IPO8: variants seen among roughly 807,000 people sequenced by gnomAD.
The protein encoded by IPO8 is importin 8.
Under a neutral mutation model 141.2 loss-of-function variants are expected in IPO8, and 65 were observed. That is an observed-to-expected ratio of 0.46 (90% confidence interval 0.38 to 0.57). IPO8 has a LOEUF of 0.57. IPO8 is among the 20% of genes least tolerant of loss of function. The probability of loss-of-function intolerance (pLI) is 0.00; values close to 1 mark genes in which losing one functional copy is unlikely to be tolerated. For missense variants in IPO8, 980 were observed against 1,246.8 expected (o/e 0.79, Z 3.22); for synonymous variants, 411 against 420.3 (o/e 0.98, Z 0.27).
At chr12:30,642,951 T>C (rs1328416989) in intron 20 of IPO8, among the ~76,000 whole-genome samples, 1 of 152,140 alleles carries the variant, frequency 6.6e-6, no homozygotes, top group African/African-American at 2.4e-5. Flanking sequence ...TATACATTCA[T>C]AAGGATACTA....
chr12:30,661,276 T>G lies in IPO8; in HGVS notation c.1756-10A>C, dbSNP rs200696460. On this transcript the variant is annotated splice_polypyrimidine_tract_variant and intron_variant, in intron 15 of 24. Coordinates refer to ENST00000256079, the MANE Select transcript of IPO8 (RefSeq NM_006390.4). ...TGCCAAATATCTCAGCCTATGAAAATAACATTAAAGTATTCCGCAATTAGT... is the reference window on the plus strand; with the variant it reads ...TGCCAAATATCTCAGCCTATGAAAAGAACATTAAAGTATTCCGCAATTAGT... 39 of 1,577,056 alleles carry G rather than the reference T, an allele frequency of 2.5e-5. No individual in the cohort carries two copies. The East Asian group carries it at 8.7e-4, about 35-fold the overall frequency.
chr12:30,670,275 A>G (rs780961979), intron 9 of IPO8, among the ~76,000 whole-genome samples: 5 of 152,210 alleles, frequency 3.3e-5, no homozygotes, highest in African/African-American at 4.8e-5. Flanking sequence ...AGCAAAGTGA[A>G]AGATTTTTCT....
chr12:30,685,721 T>C (rs2053235219), intron 2 of IPO8, among the ~76,000 whole-genome samples: 1 of 151,028 alleles, frequency 6.6e-6, no homozygotes. Context: ...GGTCAGGAGT[T>C]CGAGACCACC....
intron 22 of IPO8, among the ~76,000 whole-genome samples, chr12:30,636,324 T>C (rs556896737): frequency 6.6e-6 from 1 of 152,064 alleles, no homozygotes; most frequent in Non-Finnish European, 1.5e-5. Flanking sequence ...GAGGAAAAAA[T>C]CCACCTGGAA....
intron 20 of IPO8, among the ~76,000 whole-genome samples, chr12:30,644,372 T>TAAAA (rs11395707): frequency 9.0e-5 from 13 of 145,208 alleles, no homozygotes; most frequent in African/African-American, 3.1e-4. Context: ...CAATCTCCAT[T>TAAAA]AAAAAAAAAA....
intron 3 of IPO8, among the ~76,000 whole-genome samples, chr12:30,682,186 A>G (rs1171998049): frequency 6.6e-6 from 1 of 152,200 alleles, no homozygotes; most frequent in Non-Finnish European, 1.5e-5. Flanking sequence ...GAATGGGGGA[A>G]AAAATAACAC....
intron 16 of IPO8, among the ~76,000 whole-genome samples, chr12:30,657,555 CATATT>C (rs971711783): frequency 3.3e-5 from 5 of 152,102 alleles, no homozygotes; most frequent in Non-Finnish European, 7.4e-5. Flanking sequence ...ACCCTTCACA[CATATT>C]ATGTGTGCAA....
intron 4 of IPO8, 102 bp downstream of exon 4, chr12:30,681,557 C>A: frequency 9.3e-7 from 1 of 1,075,742 alleles, no homozygotes. Context: ...CCAAACTAAT[C>A]TGATAACCTG....
chr12:30,645,844 T>A (rs946751571), intron 20 of IPO8, among the ~76,000 whole-genome samples: 1 of 151,852 alleles, frequency 6.6e-6, no homozygotes, highest in Non-Finnish European at 1.5e-5. Context: ...AGAGACTGAA[T>A]TGGCCATTTA....
Position 30,652,950 on chromosome 12 carries a change from T to C in IPO8, c.2074+17A>G, listed in dbSNP as rs368480551. 3.8e-6 allele frequency: 6 copies of C among 1,567,136 alleles called. No individual in the cohort carries two copies. The highest frequency in any genetic ancestry group is 2.3e-5 in the East Asian group (1 of 44,044). On this transcript the variant is annotated intron_variant, in intron 18 of 24. Coordinates refer to ENST00000256079, the MANE Select transcript of IPO8 (RefSeq NM_006390.4). ...TAGACACAGAAAAGCAAAAATTTTA[T>C]ATGGTCAAAGCCATACCTGTAAAGT...
intron 18 of IPO8, 134 bp from the exon 19 acceptor site, chr12:30,652,423 G>A (rs1448462905): frequency 3.1e-6 from 2 of 646,414 alleles, no homozygotes; most frequent in East Asian, 5.6e-5. Context: ...AGAAATGAAA[G>A]TAATAAGTCT....
chr12:30,674,831 T>C, intron 6 of IPO8, 78 bp from the exon 7 acceptor site: 1 of 912,822 alleles, frequency 1.1e-6, no homozygotes, highest in Non-Finnish European at 1.8e-6. Context: ...AAGATAAATC[T>C]TGATATAGGT....
At position 30,675,663 on chromosome 12, in the gene IPO8, T is replaced by TA. The variant is rs963221474; in HGVS notation, c.729+834dup. On this transcript the variant is annotated intron_variant, in intron 6 of 24. Coordinates refer to ENST00000256079, the MANE Select transcript of IPO8 (RefSeq NM_006390.4). Reference sequence around the variant, plus strand: ...CAACACCGTGAAACCCTGTCTCTACTAAAAAAAAAAACAAAAAAAACAAAA... The same window carrying TA: ...CAACACCGTGAAACCCTGTCTCTACTAAAAAAAAAAAACAAAAAAAACAAAA... Among the ~76,000 whole-genome samples, 581 of 127,052 alleles carry TA rather than the reference T, an allele frequency of 4.6e-3. 3 individuals are homozygous for TA. Among genetic ancestry groups the TA allele is most frequent in the African/African-American group, 0.012 (402 of 34,288 alleles). The allele number at this position is 127,052 out of a possible 152,430, so 83.4% of individuals were successfully genotyped here. A position where few individuals can be genotyped will look rare whatever the true frequency, so the allele number is the denominator to read the frequency against.
Position 30,634,154 on chromosome 12 carries a change from T to C in IPO8, c.2828A>G (p.Glu943Gly), listed in dbSNP as rs745973134. The change falls in exon 23 of 25, where the codon GAG becomes GGG. Residue 943 changes from glutamate to glycine, a missense_variant. By Grantham distance (98) the Glu-to-Gly change is moderately conservative (BLOSUM62 -2). Coordinates refer to ENST00000256079, the MANE Select transcript of IPO8 (RefSeq NM_006390.4). ...AAGGTCAAGTGGAGTACTGAACCCC[T>C]CAAGCGCGGTTTCTTCCAATACTTC... ...DEEVLEETAL[E>G]GFSTPLDLDN... The C allele has an allele frequency of 6.2e-7, 1 of 1,614,056 alleles. No homozygotes were observed. Among genetic ancestry groups the C allele is most frequent in the Admixed American group, 1.7e-5 (1 of 60,022 alleles).
chr12:30,673,844 G>C (rs1335569993), intron 8 of IPO8, 146 bp downstream of exon 8: 4 of 484,474 alleles, frequency 8.3e-6, no homozygotes, highest in Non-Finnish European at 1.5e-5. Context: ...AAAACTAATT[G>C]CACTGTAATA....
chr12:30,629,866 AT>A lies in IPO8; in HGVS notation c.*993del, dbSNP rs1184797821. The A allele has an allele frequency of 1.3e-4, 20 of 152,166 alleles. No individual in the cohort carries two copies. Among genetic ancestry groups the A allele is most frequent in the Middle Eastern group, 3.2e-3 (1 of 316 alleles). The allele number at this position is 152,166 out of a possible 1,614,324, so 9.4% of individuals were successfully genotyped here. A position where few individuals can be genotyped will look rare whatever the true frequency, so the allele number is the denominator to read the frequency against. On this transcript the variant is annotated 3_prime_UTR_variant, in exon 25 of 25. Coordinates refer to ENST00000256079, the MANE Select transcript of IPO8 (RefSeq NM_006390.4). ...GGTCTTTTTCCTAGATTAAAAAAAA[AT>A]ATTATAAAATGCTTTGGACCCTAGT...
Position 30,649,165 on chromosome 12 carries a change from AGAAT to A in IPO8, c.2236_2239del (p.Ile746PhefsTer23). ...ATCAATTCCCCTTCCTTTGCACTGA[AGAAT>A]GATGACTTCCAGAAGTTTAGCTGCA... On this transcript the variant is annotated frameshift_variant, in exon 20 of 25. Transcript: ENST00000256079. LOFTEE classifies it high-confidence loss of function. 1 of 1,613,278 alleles carries A rather than the reference AGAAT, an allele frequency of 6.2e-7. No individual in the cohort carries two copies. Among genetic ancestry groups the A allele is most frequent in the Non-Finnish European group, 8.5e-7 (1 of 1,179,330 alleles).
Position 30,695,635 on chromosome 12 carries a change from G to C in IPO8, c.13C>G (p.Arg5Gly). 6.2e-7 allele frequency: 1 copy of C among 1,613,966 alleles called. No individual in the cohort carries two copies. Among genetic ancestry groups the C allele is most frequent in the South Asian group, 1.1e-5 (1 of 91,078 alleles). MDLN[R>G]IIQALKGTID... is the part of the protein sequence containing the mutation. ...GTGCCCTTCAGCGCCTGGATGATCC[G>C]GTTGAGGTCCATCTCCCCGGGTGGG... The change falls in exon 1 of 25, where the codon CGG (arginine) becomes GGG (glycine). Residue 5 changes from arginine to glycine, a missense_variant. Arg to Gly is a moderately radical substitution (Grantham distance 125). Around this residue, in one of 3 missense-constraint regions of IPO8, gnomAD observed 40 missense variants for 46.3 expected, o/e 0.86. Transcript: ENST00000256079. The surrounding 1 kb of genome is among the most constrained non-coding windows in gnomAD (Gnocchi z 4.2).
At chr12:30,677,434 T>C (rs2053136610) in intron 5 of IPO8, among the ~76,000 whole-genome samples, 1 of 152,190 alleles carries the variant, frequency 6.6e-6, no homozygotes, top group Non-Finnish European at 1.5e-5. Flanking sequence ...ACAACTATGC[T>C]ACTAGTTTAT....
Sources: gnomAD v4.1 joint callset for allele counts (sites outside exome capture counted in the v4.1 genomes callset) on GRCh38, gnomAD v4.1.1 for gene constraint, gnomAD v4.1.1 regional missense constraint, Gnocchi (gnomAD v3.1) non-coding constraint, MANE v1.5 for transcripts, NCBI Gene and HGNC (gene_info 2026-07-23, HGNC 2026-07-21) for gene names.